ERI3: variants seen among roughly 807,000 people sequenced by gnomAD.
ERI3 encodes ERI1 exoribonuclease family member 3.
Under a neutral mutation model 44.4 loss-of-function variants are expected in ERI3, and 18 were observed. The observed-to-expected ratio is 0.41, with a 90% CI of 0.28 to 0.60. The LOEUF (loss-of-function observed/expected upper bound fraction) is 0.60. Among genes scored for constraint, ERI3 ranks in the 20% least tolerant of loss-of-function variants. The pLI is 0.36. For missense variants in ERI3, 294 were observed against 435.5 expected, an observed-to-expected ratio of 0.68 and a Z score of 2.89; for synonymous variants, 183 against 164.8, an observed-to-expected ratio of 1.11 and a Z score of -0.84.
intron 3 of ERI3, among the ~76,000 whole-genome samples, chr1:44,330,824 A>C (rs1021566354): frequency 6.6e-6 from 1 of 152,216 alleles, no homozygotes; most frequent in South Asian, 2.1e-4. Context: ...ATGGCATCTT[A>C]ATCAAAATGA....
At position 44,352,989 on chromosome 1, in the gene ERI3, A is replaced by C. The variant is rs1646927271; in HGVS notation, c.136-64T>G. On this transcript the variant is annotated intron_variant, in intron 1 of 8. Transcript: ENST00000372257. ...AATACCAAGGATCAAATCCCCATGA[A>C]GGATACTACACCTCAAACTCTAAAC... 3 of 1,608,510 alleles carry C rather than the reference A, an allele frequency of 1.9e-6. No homozygotes were observed. In the South Asian group the frequency reaches 3.3e-5, roughly 18 times the overall value.
chr1:44,288,001 G>C (rs1645429688), intron 6 of ERI3, among the ~76,000 whole-genome samples: 1 of 152,162 alleles, frequency 6.6e-6, no homozygotes, highest in Admixed American at 6.5e-5. Flanking sequence ...GCTAGCCCTG[G>C]GAGAGGGATG....
intron 5 of ERI3, among the ~76,000 whole-genome samples, chr1:44,309,416 G>A (rs1224169667): frequency 6.6e-6 from 1 of 151,952 alleles, no homozygotes; most frequent in Non-Finnish European, 1.5e-5. Flanking sequence ...AATTGCTTGG[G>A]CCTGGGAGGT....
chr1:44,338,622 C>T (rs1007213562), intron 3 of ERI3, among the ~76,000 whole-genome samples: 1 of 152,172 alleles, frequency 6.6e-6, no homozygotes, highest in African/African-American at 2.4e-5. Flanking sequence ...ATTAGCTATA[C>T]AGGAATATCT....
intron 7 of ERI3, among the ~76,000 whole-genome samples, chr1:44,277,044 G>C (rs114915852): frequency 0.036 from 5,499 of 152,182 alleles, 317 homozygotes; most frequent in African/African-American, 0.13. Flanking sequence ...GTAGAACTAC[G>C]GCAAGCCTGT....
chr1:44,338,066 G>A (rs749321869), intron 3 of ERI3, among the ~76,000 whole-genome samples: 18 of 152,120 alleles, frequency 1.2e-4, no homozygotes, highest in Non-Finnish European at 2.1e-4. Flanking sequence ...GCTAATCCAA[G>A]CCTCCTAGCA....
chr1:44,229,699 T>C (rs1368762627), intron 8 of ERI3, among the ~76,000 whole-genome samples: 1 of 152,156 alleles, frequency 6.6e-6, no homozygotes, highest in Non-Finnish European at 1.5e-5. Context: ...GGCCTGGGCG[T>C]ACAGGTCTGA....
Position 44,355,157 on chromosome 1 carries a change from G to A in ERI3, c.-131C>T, listed in dbSNP as rs944151373. 10 of 1,213,418 alleles carry A rather than the reference G, an allele frequency of 8.2e-6. No individual in the cohort carries two copies. The highest frequency in any genetic ancestry group is 4.4e-5 in the Admixed American group (1 of 22,826). The allele number at this position is 1,213,418 out of a possible 1,614,324, so 75.2% of individuals were successfully genotyped here. On this transcript the variant is annotated 5_prime_UTR_variant, in exon 1 of 9. Coordinates refer to ENST00000372257, the MANE Select transcript of ERI3 (RefSeq NM_024066.3). ...CGCGGCCCGCGCCGACTGCGGCGCC[G>A]GCCAGGCAGAGGCAGGGCCAGCTCC...
At chr1:44,245,761 C>T (rs1438137078) in intron 8 of ERI3, among the ~76,000 whole-genome samples, 2 of 152,074 alleles carry the variant, frequency 1.3e-5, no homozygotes, top group Non-Finnish European at 2.9e-5. Context: ...AACGAGGAAC[C>T]CCTTCTCACA....
In ERI3 at chr1:44,221,952, G is replaced by A. The variant is rs1419840196; in HGVS notation, c.932-312C>T. Among the ~76,000 whole-genome samples, 2 of 152,234 alleles carry A rather than the reference G, an allele frequency of 1.3e-5. No individual in the cohort carries two copies. Among genetic ancestry groups the A allele is most frequent in the Admixed American group, 1.3e-4 (2 of 15,288 alleles). On this transcript the variant is annotated intron_variant, in intron 8 of 8. Transcript: ENST00000372257. The surrounding 1 kb of genome is among the most constrained non-coding windows in gnomAD (Gnocchi z 5.9). ...AGTAAGAAAAAGGCAGAGTAAATGT[G>A]TAATTTCTCCCTTGACGGCCCCCGG...
rs1557867532 is a variant in ERI3, at chr1:44,342,828, TATATATATATATATATATATATATATATA to T, written c.212-3535_212-3507del. 2.7e-3 allele frequency among the ~76,000 whole-genome samples: 51 copies of T among 18,766 alleles called. 2 individuals are homozygous for T. Among genetic ancestry groups the T allele is most frequent in the East Asian group, 8.4e-3 (7 of 838 alleles). 12.3% of individuals were successfully genotyped at this position (18,766 alleles called of 152,430 possible). ...CATCCAGCTAATATATATATATATA[TATATATATATATATATATATATATATATA>T]TTTTTTTTTTTTTTTTTTTTTTTTT... On this transcript the variant is annotated intron_variant, in intron 2 of 8. Transcript: ENST00000372257.
At chr1:44,275,852 C>G (rs944695871) in intron 7 of ERI3, among the ~76,000 whole-genome samples, 6 of 152,290 alleles carry the variant, frequency 3.9e-5, no homozygotes, top group East Asian at 1.9e-4. Flanking sequence ...CAGAAGCCCA[C>G]CTCCCTCAGT....
intron 5 of ERI3, 74 bp downstream of exon 5, chr1:44,313,095 A>G (rs1479523218): frequency 3.1e-6 from 4 of 1,294,102 alleles, no homozygotes; most frequent in Non-Finnish European, 4.5e-6. Flanking sequence ...ACACGGCTAC[A>G]TTCTCAGGAG....
At chr1:44,277,704 T>G (rs958499291) in intron 7 of ERI3, among the ~76,000 whole-genome samples, 2 of 152,236 alleles carry the variant, frequency 1.3e-5, no homozygotes, top group Non-Finnish European at 2.9e-5. Flanking sequence ...TCTTACAGTC[T>G]TTCTTCTTCT....
intron 6 of ERI3, among the ~76,000 whole-genome samples, chr1:44,291,495 A>G (rs1390138488): frequency 3.3e-5 from 5 of 152,290 alleles, no homozygotes; most frequent in Admixed American, 1.3e-4. Context: ...AATCCCTTCT[A>G]TGAGGCCTTA....
intron 5 of ERI3, among the ~76,000 whole-genome samples, chr1:44,310,260 A>G (rs1645925217): frequency 6.6e-6 from 1 of 152,200 alleles, no homozygotes; most frequent in South Asian, 2.1e-4. Context: ...AAAGAAGATA[A>G]TTGAACTAGG....
intron 3 of ERI3, among the ~76,000 whole-genome samples, chr1:44,321,318 T>C (rs1168000446): frequency 6.6e-6 from 1 of 152,144 alleles, no homozygotes; most frequent in Non-Finnish European, 1.5e-5. Context: ...CAGGAGCTTA[T>C]TCCCAGAGAT....
At chr1:44,286,725 C>T (rs775361030) in intron 6 of ERI3, among the ~76,000 whole-genome samples, 1 of 152,208 alleles carries the variant, frequency 6.6e-6, no homozygotes, top group Non-Finnish European at 1.5e-5. Flanking sequence ...AAACACTAGT[C>T]TGTCTCCCTG....
In ERI3 at chr1:44,297,501, TAAG is replaced by T. The variant is rs542527423; in HGVS notation, c.758+10806_758+10808del. Among the ~76,000 whole-genome samples the T allele has an allele frequency of 1.7e-3, 256 of 152,102 alleles. 1 individual carries two copies. The highest frequency in any genetic ancestry group is 5.9e-3 in the African/African-American group (246 of 41,480). ...CCACCCTATTGGCATGGCTGGGGAA[TAAG>T]AAGAATATGATGGCAGGGCATCTTT... On this transcript the variant is annotated intron_variant, in intron 6 of 8. Transcript: ENST00000372257.
Sources: allele counts gnomAD v4.1 joint callset (sites outside exome capture counted in the v4.1 genomes callset), GRCh38; gene constraint gnomAD v4.1.1; non-coding constraint Gnocchi (gnomAD v3.1); transcripts MANE v1.5; gene names NCBI Gene and HGNC (gene_info 2026-07-23, HGNC 2026-07-21).